Variants in ACO2 observed in about 807,000 individuals in gnomAD.
ACO2 encodes the protein aconitate hydratase, mitochondrial.
Under a neutral mutation model 84.5 loss-of-function variants are expected in ACO2, and 31 were observed. The observed-to-expected ratio is 0.37, with a 90% CI of 0.28 to 0.50. ACO2 has a LOEUF of 0.50. Ranked by LOEUF, ACO2 falls within the 20% of genes least tolerant of loss-of-function variation. The pLI, the probability that ACO2 is intolerant of heterozygous loss-of-function variation, is 0.97. For missense variants in ACO2, 685 were observed against 1,029.3 expected (o/e 0.67, Z 4.58); for synonymous variants, 414 against 412.7 (o/e 1.00, Z -0.04).
chr22:41,527,266 CT>C, intron 15 of ACO2, 21 bp from the exon 16 acceptor site: 1 of 1,614,110 alleles, frequency 6.2e-7, no homozygotes, highest in Non-Finnish European at 8.5e-7. Flanking sequence ...GCCTTATAAC[CT>C]TACCCCCGCT....
chr22:41,506,000 G>T (rs1013757068), intron 2 of ACO2, among the ~76,000 whole-genome samples: 4 of 152,188 alleles, frequency 2.6e-5, no homozygotes, highest in African/African-American at 9.7e-5. Context: ...TTAGAGATGG[G>T]CTGGCTGAGC....
intron 2 of ACO2, among the ~76,000 whole-genome samples, chr22:41,506,662 C>T (rs1283956524): frequency 6.6e-6 from 1 of 152,140 alleles, no homozygotes; most frequent in Non-Finnish European, 1.5e-5. Flanking sequence ...GGATTACAGG[C>T]GTGAGCCACC....
At chr22:41,475,161 GT>G (rs2037997626) in intron 1 of ACO2, among the ~76,000 whole-genome samples, 2 of 124,244 alleles carry the variant, frequency 1.6e-5, no homozygotes, top group South Asian at 5.1e-4. Flanking sequence ...AAAAAAAATT[GT>G]TTTTTCCTTT....
At chr22:41,526,940 C>T (rs1488833467) in intron 15 of ACO2, 6 of 380,114 alleles carry the variant, frequency 1.6e-5, no homozygotes, top group Admixed American at 4.3e-5. Flanking sequence ...AGGAAGGGGG[C>T]GCCTTGAGCT....
Position 41,520,726 on chromosome 22 carries a change from C to G in ACO2, c.1138+450C>G, listed in dbSNP as rs150655566. Among the ~76,000 whole-genome samples the G allele has an allele frequency of 3.3e-3, 494 of 151,898 alleles. 3 individuals carry two copies. The highest frequency in any genetic ancestry group is 0.024 in the Middle Eastern group (7 of 292). On this transcript the variant is annotated intron_variant, in intron 9 of 17. Coordinates refer to ENST00000216254, the MANE Select transcript of ACO2 (RefSeq NM_001098.3). ...GGGTGGTGGCAGGCACCTGTAGCCC[C>G]AGCTACTTGGGAGGCTGAGGCAGGA...
At chr22:41,512,088 C>T in intron 4 of ACO2, 120 bp downstream of exon 4, 1 of 637,760 alleles carries the variant, frequency 1.6e-6, no homozygotes, top group Non-Finnish European at 2.6e-6. Flanking sequence ...ACATATCCAT[C>T]AGCTCTTATG....
chr22:41,527,102 T>G, intron 15 of ACO2, 186 bp from the exon 16 acceptor site: 1 of 817,646 alleles, frequency 1.2e-6, no homozygotes, highest in Non-Finnish European at 1.9e-6. Context: ...CGGGGCCTCG[T>G]TTGGGTCTCA....
In ACO2 at chr22:41,524,335, G is replaced by C. The variant is rs546842461; in HGVS notation, c.1482+394G>C. On this transcript the variant is annotated intron_variant, in intron 12 of 17. Coordinates refer to ENST00000216254, the MANE Select transcript of ACO2 (RefSeq NM_001098.3). ...CCCCAGGTAGGAGTTCCACAAAAGC[G>C]AGGCCTTTGCCATTGTTCCCGTGGC... 2.6e-5 allele frequency among the ~76,000 whole-genome samples: 4 copies of C among 152,352 alleles called. No homozygotes were observed. The South Asian group carries it at 8.3e-4, about 32-fold the overall frequency.
At chr22:41,502,114 T>C (rs1211463934) in intron 2 of ACO2, among the ~76,000 whole-genome samples, 1 of 152,180 alleles carries the variant, frequency 6.6e-6, no homozygotes, top group Non-Finnish European at 1.5e-5. Flanking sequence ...AGCCTGGGTC[T>C]CTGTGACTCC....
At chr22:41,471,284 TCTC>T (rs1208379614) in intron 1 of ACO2, among the ~76,000 whole-genome samples, 1 of 152,138 alleles carries the variant, frequency 6.6e-6, no homozygotes, top group East Asian at 1.9e-4. Flanking sequence ...AAAATCCTGG[TCTC>T]CTTGTTTGTT....
In ACO2 at chr22:41,528,033, CGGGTCCCCCTGAGGTGGTGGGGTGA is replaced by C; in HGVS notation, c.2208+15_2208+39del. On this transcript the variant is annotated intron_variant, in intron 17 of 17. Transcript: ENST00000216254. ...TTCACCCCTGGCAAGGTTAGGGGCC[CGGGTCCCCCTGAGGTGGTGGGGTGA>C]GGGGCAGCCACCTTGTTTCCCCTCC... is the stretch of plus-strand genomic sequence containing the variant. The C allele has an allele frequency of 6.2e-7, 1 of 1,614,070 alleles. No homozygotes were observed. The highest frequency in any genetic ancestry group is 8.5e-7 in the Non-Finnish European group (1 of 1,179,998).
At chr22:41,505,833 T>G (rs185674461) in intron 2 of ACO2, among the ~76,000 whole-genome samples, 1 of 152,346 alleles carries the variant, frequency 6.6e-6, no homozygotes, top group East Asian at 1.9e-4. Flanking sequence ...ATTGTGGTGC[T>G]GGTTTCACAG....
At chr22:41,485,501 C>T (rs922480964) in intron 1 of ACO2, among the ~76,000 whole-genome samples, 6 of 141,276 alleles carry the variant, frequency 4.2e-5, no homozygotes, top group Non-Finnish European at 6.0e-5. Context: ...AGTGCAGTGG[C>T]ACGATCTCGG....
Position 41,520,282 on chromosome 22 carries a change from C to T in ACO2, c.1138+6C>T. The T allele has an allele frequency of 6.2e-7, 1 of 1,609,522 alleles. No individual in the cohort carries two copies. The highest frequency in any genetic ancestry group is 2.2e-5 in the East Asian group (1 of 44,848). ...GCCTCTGGACATCCGAGTGGGTGAG[C>T]ACCTTCCACCCCATCTGTTTAGCAG... On this transcript the variant is annotated splice_donor_region_variant and intron_variant, in intron 9 of 17. Transcript: ENST00000216254.
At chr22:41,479,627 G>A (rs915359939) in intron 1 of ACO2, among the ~76,000 whole-genome samples, 1 of 152,188 alleles carries the variant, frequency 6.6e-6, no homozygotes, top group African/African-American at 2.4e-5. Context: ...CTTTGAGACT[G>A]TGATTGTCTC....
At chr22:41,522,737 C>G (rs964776243) in intron 9 of ACO2, 93 bp from the exon 10 acceptor site, 2 of 1,457,970 alleles carry the variant, frequency 1.4e-6, no homozygotes, top group Non-Finnish European at 1.9e-6. Context: ...ATGGTGAACT[C>G]TTTTGGCCAA....
At chr22:41,526,687 A>C (rs139299126) in intron 15 of ACO2, 1 of 483,352 alleles carries the variant, frequency 2.1e-6, no homozygotes, top group Non-Finnish European at 3.7e-6. Flanking sequence ...AGTGAGAGAT[A>C]TCTTAGGATA....
At chr22:41,514,678 G>T (rs1384750308) in intron 4 of ACO2, among the ~76,000 whole-genome samples, 1 of 152,212 alleles carries the variant, frequency 6.6e-6, no homozygotes, top group African/African-American at 2.4e-5. Context: ...GTGTTGAGGT[G>T]TTGCTGCCTT....
At chr22:41,502,516 A>T (rs1293586287) in intron 2 of ACO2, among the ~76,000 whole-genome samples, 1 of 152,160 alleles carries the variant, frequency 6.6e-6, no homozygotes, top group Non-Finnish European at 1.5e-5. Flanking sequence ...TCAGTGGAAA[A>T]GTGATAGATT....
Sources: allele counts gnomAD v4.1 joint callset (sites outside exome capture counted in the v4.1 genomes callset), GRCh38; gene constraint gnomAD v4.1.1; transcripts MANE v1.5; gene names NCBI Gene and HGNC (gene_info 2026-07-23, HGNC 2026-07-21).